TFDP2: variants seen among roughly 807,000 people sequenced by gnomAD.
TFDP2 encodes transcription factor Dp-2 (E2F dimerization partner 2).
TFDP2 carries 17 observed loss-of-function variants against 59.3 expected under a neutral mutation model. The observed-to-expected ratio is 0.29, with a 90% confidence interval of 0.20 to 0.43. The LOEUF (loss-of-function observed/expected upper bound fraction) is 0.43, where lower values mean the gene tolerates loss of function less well. Ranked by LOEUF, TFDP2 falls within the 20% of genes least tolerant of loss-of-function variation. The probability of loss-of-function intolerance (pLI) is 1.00; values close to 1 mark genes in which losing one functional copy is unlikely to be tolerated. For missense variants in TFDP2, 391 were observed against 528.8 expected (o/e 0.74, Z 2.56); for synonymous variants, 180 against 194.7 (o/e 0.92, Z 0.63).
At chr3:141,983,648 A>T (rs1456483162) in intron 6 of TFDP2, among the ~76,000 whole-genome samples, 1 of 151,842 alleles carries the variant, frequency 6.6e-6, no homozygotes, top group East Asian at 1.9e-4. Context: ...AGGGCAAAAG[A>T]CTTAATAGTC....
intron 1 of TFDP2, among the ~76,000 whole-genome samples, chr3:142,129,448 G>A (rs1278262088): frequency 6.6e-6 from 1 of 151,880 alleles, no homozygotes; most frequent in Non-Finnish European, 1.5e-5. Flanking sequence ...TAAAAAGACA[G>A]ACATACTAGA....
chr3:142,037,674 A>T (rs1181771991), intron 3 of TFDP2, among the ~76,000 whole-genome samples: 1 of 152,238 alleles, frequency 6.6e-6, no homozygotes, highest in East Asian at 1.9e-4. Flanking sequence ...ATTTACACAA[A>T]GTAAGAGAGG....
In TFDP2 at chr3:141,982,446, G is replaced by A. The variant is rs542179200; in HGVS notation, c.357-3764C>T. Among the ~76,000 whole-genome samples the A allele has an allele frequency of 8.8e-4, 134 of 152,016 alleles. 6 individuals are homozygous for A. The South Asian group carries it at 0.026, about 30-fold the overall frequency. On this transcript the variant is annotated intron_variant, in intron 6 of 12. Transcript: ENST00000489671. ...CCCCTACTCAAGTAGGGGGTAAAGT[G>A]TAGAACAAGGAGTTTGATCTGTGTT...
chr3:142,017,020 C>G (rs1945179988), intron 3 of TFDP2, among the ~76,000 whole-genome samples: 1 of 152,172 alleles, frequency 6.6e-6, no homozygotes, highest in South Asian at 2.1e-4. Flanking sequence ...TGGCCTTTGT[C>G]CTTCAAGTCT....
At chr3:141,997,298 T>C (rs1943356996) in intron 4 of TFDP2, among the ~76,000 whole-genome samples, 1 of 152,116 alleles carries the variant, frequency 6.6e-6, no homozygotes, top group Admixed American at 6.6e-5. Context: ...TAAAATCCAC[T>C]AAAAAAATAC....
chr3:142,129,062 GTAAC>G (rs1171530470), intron 1 of TFDP2, among the ~76,000 whole-genome samples: 1 of 152,056 alleles, frequency 6.6e-6, no homozygotes, highest in African/African-American at 2.4e-5. Context: ...GTCAATACGA[GTAAC>G]TAAGATTTTT....
At chr3:142,111,227 G>A (rs894825288) in intron 1 of TFDP2, among the ~76,000 whole-genome samples, 8 of 152,070 alleles carry the variant, frequency 5.3e-5, no homozygotes, top group Admixed American at 2.0e-4. Context: ...TCAGGAGTTC[G>A]AGACCAGCCT....
chr3:142,016,531 C>G (rs1362184906), intron 3 of TFDP2, among the ~76,000 whole-genome samples: 1 of 151,562 alleles, frequency 6.6e-6, no homozygotes, highest in Non-Finnish European at 1.5e-5. Flanking sequence ...GAACTCCTGA[C>G]CTCAAGCGAT....
At chr3:142,060,664 T>C (rs1228615743) in intron 3 of TFDP2, among the ~76,000 whole-genome samples, 1 of 152,188 alleles carries the variant, frequency 6.6e-6, no homozygotes, top group Non-Finnish European at 1.5e-5. Flanking sequence ...CCTTCTACCT[T>C]GTTCTAAAAA....
At chr3:141,985,278 T>C (rs569155469) in intron 6 of TFDP2, among the ~76,000 whole-genome samples, 2 of 152,158 alleles carry the variant, frequency 1.3e-5, no homozygotes, top group African/African-American at 4.8e-5. Context: ...TCTATAATCC[T>C]AGCACTTTAG....
intron 3 of TFDP2, among the ~76,000 whole-genome samples, chr3:142,032,207 A>T (rs895002657): frequency 6.6e-6 from 1 of 151,456 alleles, no homozygotes; most frequent in African/African-American, 2.4e-5. Flanking sequence ...GGCTCAGGTG[A>T]TCCCTCCCAC....
chr3:141,972,759 T>A (rs953090047), intron 8 of TFDP2, among the ~76,000 whole-genome samples: 5 of 152,164 alleles, frequency 3.3e-5, no homozygotes, highest in African/African-American at 1.2e-4. Context: ...CCGGTGAGAA[T>A]GACAGTACCT....
In TFDP2 at chr3:141,949,548, G is replaced by A. The variant is rs1377306136; in HGVS notation, c.*2965C>T. ...CCCGTAAGCGCTGCTGTGTGCCTAG[G>A]CAGCACCGCCCTACCCACTGAGGGC... On this transcript the variant is annotated 3_prime_UTR_variant, in exon 13 of 13. Coordinates refer to ENST00000489671, the MANE Select transcript of TFDP2 (RefSeq NM_001178139.2). 6.6e-6 allele frequency: 1 copy of A among 152,284 alleles called. No homozygotes were observed. Among genetic ancestry groups the A allele is most frequent in the Non-Finnish European group, 1.5e-5 (1 of 68,136 alleles). The allele number at this position is 152,284 out of a possible 1,614,324, so 9.4% of individuals were successfully genotyped here.
At chr3:142,136,083 A>G (rs1229005667) in intron 1 of TFDP2, among the ~76,000 whole-genome samples, 1 of 151,904 alleles carries the variant, frequency 6.6e-6, no homozygotes, top group Non-Finnish European at 1.5e-5. Flanking sequence ...TGACTTTTTA[A>G]TTATCGCTGT....
chr3:142,112,944 A>G (rs2061711574), intron 1 of TFDP2, among the ~76,000 whole-genome samples: 1 of 152,252 alleles, frequency 6.6e-6, no homozygotes, highest in Non-Finnish European at 1.5e-5. Flanking sequence ...CAAAAGACTG[A>G]GGGCAAAAAC....
Position 142,051,694 on chromosome 3 carries a change from T to C in TFDP2, c.82+41367A>G, listed in dbSNP as rs1263167171. On this transcript the variant is annotated intron_variant, in intron 3 of 12. Coordinates refer to ENST00000489671, the MANE Select transcript of TFDP2 (RefSeq NM_001178139.2). ...AACAGATCCTCAATTACATAGTCAATTGATATTTGACAAAGGTACAAAGCA... is the reference window on the plus strand; with the variant it reads ...AACAGATCCTCAATTACATAGTCAACTGATATTTGACAAAGGTACAAAGCA... Among the ~76,000 whole-genome samples the C allele has an allele frequency of 2.0e-5, 3 of 152,188 alleles. No homozygotes were observed. In the South Asian group the frequency reaches 6.2e-4, roughly 31 times the overall value.
chr3:141,955,423 G>A (rs1463415165), intron 11 of TFDP2, among the ~76,000 whole-genome samples: 1 of 152,192 alleles, frequency 6.6e-6, no homozygotes, highest in Non-Finnish European at 1.5e-5. Context: ...GATTTATTGA[G>A]TAAGCCCTTT....
intron 3 of TFDP2, among the ~76,000 whole-genome samples, chr3:142,065,908 A>G (rs2060061362): frequency 6.6e-6 from 1 of 152,132 alleles, no homozygotes; most frequent in Non-Finnish European, 1.5e-5. Context: ...TTGTGAAGTA[A>G]AATCCAAAAA....
chr3:142,085,166 C>G (rs115985740), intron 3 of TFDP2, among the ~76,000 whole-genome samples: 4 of 152,208 alleles, frequency 2.6e-5, no homozygotes, highest in Non-Finnish European at 5.9e-5. Flanking sequence ...AGTGATCCGC[C>G]TGCCTCCCAA....
Sources: allele counts gnomAD v4.1 joint callset (sites outside exome capture counted in the v4.1 genomes callset), GRCh38; gene constraint gnomAD v4.1.1; transcripts MANE v1.5; gene names NCBI Gene and HGNC (gene_info 2026-07-23, HGNC 2026-07-21).